TPTE2: variants seen among roughly 807,000 people sequenced by gnomAD.
The protein encoded by TPTE2 is phosphatidylinositol 3,4,5-trisphosphate 3-phosphatase TPTE2.
In TPTE2, 53 loss-of-function variants were observed where a neutral mutation model predicts 78.6. The ratio of observed to expected loss-of-function variants is 0.67; its 90% CI spans 0.54 to 0.85. The LOEUF (loss-of-function observed/expected upper bound fraction) is 0.85, where lower values mean the gene tolerates loss of function less well. Among genes scored for constraint, TPTE2 ranks in the 40% least tolerant of loss-of-function variants. The pLI, the probability that TPTE2 is intolerant of heterozygous loss-of-function variation, is 0.00. For synonymous variants in TPTE2, 175 were observed against 206.2 expected (o/e 0.85, Z 1.30); for missense variants, 461 against 623.0 (o/e 0.74, Z 2.77).
intron 17 of TPTE2, among the ~76,000 whole-genome samples, chr13:19,428,669 C>A (rs1255567976): frequency 5.3e-5 from 8 of 151,046 alleles, no homozygotes; most frequent in Admixed American, 5.3e-4. Flanking sequence ...GTTGAGGCTA[C>A]AGTGAGCCAT....
chr13:19,450,295 G>T, exon 12 of TPTE2: 1 of 1,611,222 alleles, frequency 6.2e-7, no homozygotes, highest in South Asian at 1.1e-5. Context: ...CATCAATCAT[G>T]ATTCTACTGA....
Position 19,487,824 on chromosome 13 carries a change from G to A in TPTE2, c.119+5026C>T, listed in dbSNP as rs144855812. Among the ~76,000 whole-genome samples the A allele has an allele frequency of 4.4e-4, 67 of 152,306 alleles. 4 individuals carry two copies. In the East Asian group the frequency reaches 0.013, roughly 29 times the overall value. On this transcript the variant is annotated intron_variant, in intron 3 of 19. Coordinates refer to ENST00000400230, the Ensembl canonical transcript of TPTE2. ...CTGCAGCTTAAGTCTCTGGGGGTGG[G>A]AAGTCTTCACCTTGTACTCCTAGTC...
At chr13:19,544,040 C>T in the TPTE2 span, among the ~76,000 whole-genome samples, 5 of 98,856 alleles carry the variant, frequency 5.1e-5, no homozygotes, top group African/African-American at 1.6e-4. Context: ...CCAGCCTGGG[C>T]GAAGAGTGAG....
At chr13:19,426,659 T>C (rs1876113936) in intron 17 of TPTE2, 142 bp from the exon 21 acceptor site, 1 of 533,140 alleles carries the variant, frequency 1.9e-6, no homozygotes, top group East Asian at 3.2e-5. Flanking sequence ...TAATTATTAA[T>C]AATCTTTTCT....
intron 13 of TPTE2, among the ~76,000 whole-genome samples, chr13:19,449,299 G>C (rs765563620): frequency 6.6e-6 from 1 of 152,074 alleles, no homozygotes; most frequent in African/African-American, 2.4e-5. Context: ...TCAGCCTCCC[G>C]AGTAGCTGGG....
chr13:19,435,732 T>C (rs61956968), intron 15 of TPTE2, among the ~76,000 whole-genome samples: 1,091 of 129,172 alleles, frequency 8.4e-3, no homozygotes, highest in Admixed American at 0.018. Context: ...TTAAAATACA[T>C]CTCCCCCACA....
rs1185785729 is a variant in TPTE2, at chr13:19,514,625, G to GTGTGTGTGTGTGTC, written c.-43-11349_-43-11348insGACACACACACACA. 3.7e-4 allele frequency among the ~76,000 whole-genome samples: 55 copies of GTGTGTGTGTGTGTC among 150,024 alleles called. 2 individuals carry two copies. The South Asian group carries it at 5.8e-3, about 16-fold the overall frequency. On this transcript the variant is annotated intron_variant, in intron 1 of 17. Coordinates refer to the TPTE2 transcript ENST00000390680. ...TGTGTGTGTGTGTGTGTGTGTGTGT[G>GTGTGTGTGTGTGTC]TGTGTCTGTGTGTGAGAGAGAGAGA...
At chr13:19,502,491 C>A (rs1410523363) in intron 1 of TPTE2, among the ~76,000 whole-genome samples, 1 of 151,076 alleles carries the variant, frequency 6.6e-6, no homozygotes, top group Non-Finnish European at 1.5e-5. Context: ...AGTTCATGTC[C>A]TTTGTAGGGA....
intron 1 of TPTE2, among the ~76,000 whole-genome samples, chr13:19,511,852 CT>C (rs35102447): frequency 0.13 from 20,359 of 150,996 alleles, 1,496 homozygotes; most frequent in African/African-American, 0.19. Context: ...AGAAAAACCA[CT>C]TTTTTTAAAA....
chr13:19,509,983 A>C (rs1869322096), intron 1 of TPTE2, among the ~76,000 whole-genome samples: 1 of 152,202 alleles, frequency 6.6e-6, no homozygotes, highest in Non-Finnish European at 1.5e-5. Flanking sequence ...TTAAATGTGT[A>C]AATTAAAACT....
intron 6 of TPTE2, among the ~76,000 whole-genome samples, chr13:19,471,203 T>A (rs1879592961): frequency 6.6e-6 from 1 of 152,178 alleles, no homozygotes; most frequent in African/African-American, 2.4e-5. Flanking sequence ...CCACCACACC[T>A]GGATGTGTCT....
At chr13:19,561,185 G>A in the TPTE2 span, 12 of 1,556,404 alleles carry the variant, frequency 7.7e-6, no homozygotes, top group Non-Finnish European at 9.7e-6. Context: ...TCTCCGAGGA[G>A]CCCTTTGGAC....
chr13:19,524,023 G>T (rs1870350612), intron 1 of TPTE2, among the ~76,000 whole-genome samples: 1 of 152,150 alleles, frequency 6.6e-6, no homozygotes, highest in African/African-American at 2.4e-5. Flanking sequence ...TAAAAAGCTG[G>T]GAATGAGATG....
At chr13:19,428,178 G>C (rs1272005090) in intron 17 of TPTE2, among the ~76,000 whole-genome samples, 1 of 152,248 alleles carries the variant, frequency 6.6e-6, no homozygotes, top group Non-Finnish European at 1.5e-5. Context: ...GCCAGGTGCG[G>C]TGGCTCAAGC....
In TPTE2 at chr13:19,533,227, C is replaced by T. The variant is rs185833061; in HGVS notation, c.-44+3369G>A. Reference sequence around the variant, plus strand: ...AAGAGTGTCCACTCATTTGGACATACCCAGAGTCCTGTCTTCCTAGGAGAC... The same window carrying T: ...AAGAGTGTCCACTCATTTGGACATATCCAGAGTCCTGTCTTCCTAGGAGAC... On this transcript the variant is annotated intron_variant, in intron 1 of 17. Coordinates refer to the TPTE2 transcript ENST00000390680. 3.3e-3 allele frequency among the ~76,000 whole-genome samples: 496 copies of T among 152,222 alleles called. 2 individuals carry two copies. Among genetic ancestry groups the T allele is most frequent in the African/African-American group, 0.012 (483 of 41,548 alleles).
chr13:19,474,447 A>G (rs544726644), intron 5 of TPTE2, among the ~76,000 whole-genome samples: 8 of 152,352 alleles, frequency 5.3e-5, no homozygotes. Context: ...TAAGAAGTTT[A>G]TACCAATTTC....
At chr13:19,454,284 C>T (rs1391531831) in intron 10 of TPTE2, among the ~76,000 whole-genome samples, 1 of 152,196 alleles carries the variant, frequency 6.6e-6, no homozygotes, top group Non-Finnish European at 1.5e-5. Context: ...AGGGGAATCA[C>T]ATGACTGTTT....
At chr13:19,522,990 T>C (rs536375729) in intron 1 of TPTE2, among the ~76,000 whole-genome samples, 1 of 152,288 alleles carries the variant, frequency 6.6e-6, no homozygotes, top group South Asian at 2.1e-4. Flanking sequence ...GTAGCCATTA[T>C]GTTCAGCAAT....
At chr13:19,536,813 T>TA (rs1418077273), upstream of TPTE2, 2 of 151,890 alleles carry the variant, frequency 1.3e-5, no homozygotes, top group Admixed American at 6.6e-5. Context: ...TTTGGGGGGG[T>TA]ATGTTCTCCA....
Sources: allele counts gnomAD v4.1 joint callset (sites outside exome capture counted in the v4.1 genomes callset), GRCh38; gene constraint gnomAD v4.1.1; transcripts MANE v1.5; gene names NCBI Gene and HGNC (gene_info 2026-07-23, HGNC 2026-07-21).